TOMM70: variants seen among roughly 807,000 people sequenced by gnomAD.
TOMM70 encodes the protein mitochondrial import receptor subunit TOM70.
In TOMM70, 13 loss-of-function variants were observed where a neutral mutation model predicts 73.6. The ratio of observed to expected loss-of-function variants is 0.18; its 90% CI spans 0.11 to 0.28. The LOEUF (loss-of-function observed/expected upper bound fraction) is 0.28. Among genes scored for constraint, TOMM70 ranks in the 10% least tolerant of loss-of-function variants. The pLI is 1.00. For synonymous variants in TOMM70, 257 were observed against 271.2 expected (o/e 0.95, Z 0.51); for missense variants, 609 against 747.5 (o/e 0.81, Z 2.16).
At chr3:100,396,770 T>G (rs889412222) in intron 1 of TOMM70, among the ~76,000 whole-genome samples, 20 of 152,250 alleles carry the variant, frequency 1.3e-4, no homozygotes, top group Non-Finnish European at 2.8e-4. Context: ...ACCTCAGTCT[T>G]AGACACTATC....
In TOMM70 at chr3:100,369,272, A is replaced by G. The variant is rs563148400; in HGVS notation, c.1453-137T>C. 3.1e-5 allele frequency: 20 copies of G among 649,626 alleles called. 1 individual carries two copies. Among genetic ancestry groups the G allele is most frequent in the African/African-American group, 2.2e-4 (12 of 54,088 alleles). 40.2% of individuals were successfully genotyped at this position (649,626 alleles called of 1,614,324 possible). A position where few individuals can be genotyped will look rare whatever the true frequency, so the allele number is the denominator to read the frequency against. On this transcript the variant is annotated intron_variant, in intron 9 of 11. Coordinates refer to ENST00000284320, the MANE Select transcript of TOMM70 (RefSeq NM_014820.5). Reference sequence around the variant, plus strand: ...ACGTTTTGGGGATACAGACTGATTTACATTTTACATCTTAATTATCGGAGT... The same window carrying G: ...ACGTTTTGGGGATACAGACTGATTTGCATTTTACATCTTAATTATCGGAGT...
intron 1 of TOMM70, among the ~76,000 whole-genome samples, chr3:100,389,813 G>A (rs994930352): frequency 3.9e-5 from 6 of 152,024 alleles, no homozygotes; most frequent in Non-Finnish European, 5.9e-5. Context: ...AGGCTGAGGC[G>A]GGTGGATTAC....
chr3:100,397,647 T>C (rs1361562391), intron 1 of TOMM70, among the ~76,000 whole-genome samples: 3 of 152,168 alleles, frequency 2.0e-5, no homozygotes, highest in African/African-American at 7.2e-5. Flanking sequence ...TCCCAGCACT[T>C]TGGGAGGCCA....
chr3:100,374,908 G>A (rs1457634840), intron 7 of TOMM70, 110 bp downstream of exon 7: 2 of 1,267,556 alleles, frequency 1.6e-6, no homozygotes, highest in Admixed American at 5.7e-5. Context: ...TTTGTTCACA[G>A]CTATCAGAAA....
intron 6 of TOMM70, among the ~76,000 whole-genome samples, chr3:100,377,258 C>T (rs1706575942): frequency 6.6e-6 from 1 of 152,102 alleles, no homozygotes; most frequent in Non-Finnish European, 1.5e-5. Flanking sequence ...AAGGCTGTTC[C>T]AACTGTACAA....
chr3:100,366,299 C>T (rs1156659327), intron 11 of TOMM70, among the ~76,000 whole-genome samples: 1 of 152,174 alleles, frequency 6.6e-6, no homozygotes, highest in Non-Finnish European at 1.5e-5. Flanking sequence ...GATTTATTGC[C>T]TCTGCCTGAT....
intron 1 of TOMM70, among the ~76,000 whole-genome samples, chr3:100,395,402 C>CA (rs1209244056): frequency 6.6e-6 from 1 of 151,162 alleles, no homozygotes; most frequent in Non-Finnish European, 1.5e-5. Flanking sequence ...AACAAACAAA[C>CA]AAAAAATTCA....
chr3:100,377,638 T>G, intron 6 of TOMM70, 67 bp downstream of exon 6: 2 of 1,501,786 alleles, frequency 1.3e-6, no homozygotes, highest in Non-Finnish European at 1.8e-6. Context: ...TTAAAAAATC[T>G]GGCAAAACAT....
intron 9 of TOMM70, among the ~76,000 whole-genome samples, chr3:100,371,108 A>C (rs141583888): frequency 2.1e-4 from 32 of 152,184 alleles, no homozygotes; most frequent in African/African-American, 6.7e-4. Context: ...ATCCAACACA[A>C]ATCAATTTTC....
intron 1 of TOMM70, among the ~76,000 whole-genome samples, chr3:100,395,617 G>A (rs1239599506): frequency 2.0e-5 from 3 of 149,594 alleles, no homozygotes; most frequent in Non-Finnish European, 1.5e-5. Context: ...CAAAAATGAA[G>A]AGCTGGAAAA....
chr3:100,378,600 A>G (rs984652980), intron 5 of TOMM70, among the ~76,000 whole-genome samples: 4 of 152,230 alleles, frequency 2.6e-5, no homozygotes, highest in Non-Finnish European at 4.4e-5. Flanking sequence ...AGGCACATCA[A>G]TGGTACTCAA....
intron 1 of TOMM70, among the ~76,000 whole-genome samples, chr3:100,392,086 T>TA (rs1405572886): frequency 6.6e-6 from 1 of 152,234 alleles, no homozygotes; most frequent in Non-Finnish European, 1.5e-5. Flanking sequence ...TACAGGTTTG[T>TA]AGCCTAGGAT....
intron 6 of TOMM70, among the ~76,000 whole-genome samples, chr3:100,375,497 A>G (rs1706552468): frequency 6.6e-6 from 1 of 152,182 alleles, no homozygotes. Context: ...TACATTATAT[A>G]TAGCCTTTTG....
At position 100,368,934 on chromosome 3, in the gene TOMM70, T is replaced by A. The variant is rs954934354; in HGVS notation, c.1550+104A>T. 5 of 773,566 alleles carry A rather than the reference T, an allele frequency of 6.5e-6. No individual in the cohort carries two copies. The Admixed American group carries it at 1.3e-4, about 21-fold the overall frequency. 47.9% of individuals were successfully genotyped at this position (773,566 alleles called of 1,614,324 possible). The stretch of plus-strand genomic sequence containing the variant: ...TAGGAGCATTAAGAAGTTTGTCAAT[T>A]AACTTCTCTACCACAGTCCCCTTCC... On this transcript the variant is annotated intron_variant, in intron 10 of 11. Coordinates refer to ENST00000284320, the MANE Select transcript of TOMM70 (RefSeq NM_014820.5).
intron 5 of TOMM70, among the ~76,000 whole-genome samples, chr3:100,379,074 A>C (rs1706600271): frequency 6.6e-6 from 1 of 152,040 alleles, no homozygotes; most frequent in Non-Finnish European, 1.5e-5. Context: ...TTAAAGGAAG[A>C]CTCTTCCATC....
chr3:100,395,172 A>G lies in TOMM70; in HGVS notation c.324+5454T>C, dbSNP rs542685025. Among the ~76,000 whole-genome samples the G allele has an allele frequency of 4.0e-3, 612 of 152,244 alleles. 3 individuals carry two copies. Among genetic ancestry groups the G allele is most frequent in the South Asian group, 7.9e-3 (38 of 4,824 alleles). On this transcript the variant is annotated intron_variant, in intron 1 of 11. Transcript: ENST00000284320. ...AGCATGAGGTCAGGAGATTGAGACC[A>G]TCCTGGCTAACATGGTGAAACTCTG...
In TOMM70 at chr3:100,364,253, G is replaced by GTAGT. The variant is rs1296907579; in HGVS notation, c.*1307_*1310dup. 6 of 152,184 alleles carry GTAGT rather than the reference G, an allele frequency of 3.9e-5. No homozygotes were observed. Among genetic ancestry groups the GTAGT allele is most frequent in the African/African-American group, 1.2e-4 (5 of 41,438 alleles). The allele number at this position is 152,184 out of a possible 1,614,324, so 9.4% of individuals were successfully genotyped here. ...ACCCCTAGTGAAGACCTGGACCTGG[G>GTAGT]TAGTTAGTCCTTAGAGATCAAGGTT... On this transcript the variant is annotated 3_prime_UTR_variant, in exon 12 of 12. Transcript: ENST00000284320.
chr3:100,381,819 AG>A (rs1706637117), intron 4 of TOMM70, 56 bp from the exon 5 acceptor site: 1 of 1,512,720 alleles, frequency 6.6e-7, no homozygotes. Context: ...CCAAAGAAGC[AG>A]GTACATTGTA....
intron 1 of TOMM70, among the ~76,000 whole-genome samples, chr3:100,387,199 C>T (rs1392554733): frequency 1.3e-5 from 2 of 152,184 alleles, no homozygotes; most frequent in East Asian, 1.9e-4. Context: ...ATAATCTCAA[C>T]ACTTTGGGAG....
Sources: allele counts gnomAD v4.1 joint callset (sites outside exome capture counted in the v4.1 genomes callset), GRCh38; gene constraint gnomAD v4.1.1; transcripts MANE v1.5; gene names NCBI Gene and HGNC (gene_info 2026-07-23, HGNC 2026-07-21).